The following TMEM74 variants were observed in gnomAD, a reference collection of about 807,000 sequenced individuals.
TMEM74 encodes the protein transmembrane protein 74.
A neutral mutation model predicts 18.1 loss-of-function variants in TMEM74; 13 were observed. The observed-to-expected ratio is 0.72, with a 90% CI of 0.47 to 1.14. TMEM74 has a LOEUF of 1.14. Ranked by LOEUF, TMEM74 falls within the 50% of genes most tolerant of loss-of-function variation. The pLI, the probability that TMEM74 is intolerant of heterozygous loss-of-function variation, is 0.00. For missense variants in TMEM74, 372 were observed against 375.9 expected (o/e 0.99, Z 0.09); for synonymous variants, 159 against 146.6 (o/e 1.08, Z -0.61).
intron 1 of TMEM74, among the ~76,000 whole-genome samples, chr8:108,763,707 C>G (rs1447736539): frequency 6.6e-6 from 1 of 152,114 alleles, no homozygotes; most frequent in Non-Finnish European, 1.5e-5. Flanking sequence ...AATTATTTTA[C>G]TGGTATTCTT....
intron 1 of TMEM74, among the ~76,000 whole-genome samples, chr8:108,728,256 C>T (rs963455992): frequency 6.6e-6 from 1 of 151,960 alleles, no homozygotes; most frequent in Non-Finnish European, 1.5e-5. Context: ...CAAGAATGAT[C>T]CGGAAGAGTG....
At chr8:108,715,027 A>T (rs944573902) in intron 1 of TMEM74, among the ~76,000 whole-genome samples, 1 of 152,182 alleles carries the variant, frequency 6.6e-6, no homozygotes, top group African/African-American at 2.4e-5. Flanking sequence ...ATATTTAAGC[A>T]TTCTATATTG....
intron 1 of TMEM74, among the ~76,000 whole-genome samples, chr8:108,726,115 C>T (rs1813635723): frequency 6.6e-6 from 1 of 152,114 alleles, no homozygotes; most frequent in South Asian, 2.1e-4. Flanking sequence ...ACTAGTGAGA[C>T]CCGGGGTAAA....
intron 1 of TMEM74, among the ~76,000 whole-genome samples, chr8:108,683,997 T>A (rs1813143234): frequency 6.6e-6 from 1 of 152,128 alleles, no homozygotes; most frequent in Non-Finnish European, 1.5e-5. Context: ...ATTTATCCAT[T>A]CACCTGTTGT....
At chr8:108,614,125 A>ATAAG (rs1346668284) in intron 2 of TMEM74, among the ~76,000 whole-genome samples, 1 of 152,000 alleles carries the variant, frequency 6.6e-6, no homozygotes, top group Non-Finnish European at 1.5e-5. Context: ...AAAAGATTAA[A>ATAAG]TAAGCTATTA....
intron 1 of TMEM74, among the ~76,000 whole-genome samples, chr8:108,706,416 T>C (rs1813396586): frequency 6.6e-6 from 1 of 152,172 alleles, no homozygotes; most frequent in Non-Finnish European, 1.5e-5. Flanking sequence ...GTATCTATAA[T>C]ACCTGGAATG....
intron 1 of TMEM74, among the ~76,000 whole-genome samples, chr8:108,718,944 T>C (rs988979333): frequency 8.0e-5 from 12 of 150,628 alleles, no homozygotes; most frequent in African/African-American, 2.7e-4. Flanking sequence ...CAAAGTTAGA[T>C]AGCTAGTTAA....
At chr8:108,612,206 T>G (rs1251759708) in intron 2 of TMEM74, among the ~76,000 whole-genome samples, 2 of 152,162 alleles carry the variant, frequency 1.3e-5, no homozygotes, top group Non-Finnish European at 2.9e-5. Flanking sequence ...ATTCTTGGAT[T>G]CTTTAATCTC....
chr8:108,657,891 T>TTAC, intron 1 of TMEM74, among the ~76,000 whole-genome samples: 1 of 111,034 alleles, frequency 9.0e-6, no homozygotes, highest in Non-Finnish European at 1.8e-5. Context: ...TATATATATA[T>TTAC]ATATATATAT....
rs780738491 is a variant in TMEM74 at position 108,784,427 on chromosome 8, C to T, written c.672G>A (p.Leu224=). Residue 224 remains leucine (L), a synonymous_variant, in exon 2 of 2, where the codon CTG becomes CTA. Transcript: ENST00000297459. Reference sequence around the variant, plus strand: ...TCACACAGCGGTCCAGGTGAGCCCCCAGCCTCGCACTCTCCTTCTCCAGGC... The same window carrying T: ...TCACACAGCGGTCCAGGTGAGCCCCTAGCCTCGCACTCTCCTTCTCCAGGC... The part of the protein sequence containing the change: ...MERLEKESAR[L]GAHLDRCVIA... The T allele has an allele frequency of 3.7e-6, 6 of 1,614,184 alleles. No individual in the cohort carries two copies. Among genetic ancestry groups the T allele is most frequent in the Non-Finnish European group, 3.4e-6 (4 of 1,180,024 alleles).
At position 108,657,881 on chromosome 8, in the gene TMEM74, T is replaced by TATTAATTAC. The variant is rs1375536704; in HGVS notation, n.120-2445_120-2444insGTAATTAAT. On this transcript the variant is annotated intron_variant and non_coding_transcript_variant, in intron 1 of 3. Transcript: ENST00000518838. ...AAAAATATATATATATATATATATA[T>TATTAATTAC]ATATATATATATATATATATATTAA... is the stretch of plus-strand genomic sequence containing the variant. 1.2e-3 allele frequency among the ~76,000 whole-genome samples: 115 copies of TATTAATTAC among 98,482 alleles called. 5 individuals carry two copies. The highest frequency in any genetic ancestry group is 8.7e-3 in the East Asian group (31 of 3,558). The allele number at this position is 98,482 out of a possible 152,430, so 64.6% of individuals were successfully genotyped here.
intron 1 of TMEM74, among the ~76,000 whole-genome samples, chr8:108,750,537 C>T (rs994584090): frequency 2.0e-5 from 3 of 151,940 alleles, no homozygotes; most frequent in Non-Finnish European, 2.9e-5. Context: ...AATTGGGAGT[C>T]GGCACCAGGG....
At chr8:108,776,928 G>A (rs1814240838), downstream of TMEM74, among the ~76,000 whole-genome samples, 1 of 152,086 alleles carries the variant, frequency 6.6e-6, no homozygotes, top group South Asian at 2.1e-4. Context: ...TTTTTCATCA[G>A]CCGATAATCA....
chr8:108,694,013 A>C (rs921559944), intron 1 of TMEM74, among the ~76,000 whole-genome samples: 1 of 152,214 alleles, frequency 6.6e-6, no homozygotes, highest in African/African-American at 2.4e-5. Flanking sequence ...ACCTTTAAAC[A>C]TTTTATTTGT....
At position 108,779,688 on chromosome 8, in the gene TMEM74, A is replaced by G. The variant is rs982542159; in HGVS notation, c.*4493T>C. ...CAATAGTAAGGCATGCCAAATTCCT[A>G]TAATAAAATTATTCTAACAATAACT... On this transcript the variant is annotated 3_prime_UTR_variant, in exon 2 of 2. Coordinates refer to ENST00000297459, the MANE Select transcript of TMEM74 (RefSeq NM_153015.3). 6.6e-6 allele frequency among the ~76,000 whole-genome samples: 1 copy of G among 152,202 alleles called. No homozygotes were observed. The highest frequency in any genetic ancestry group is 2.1e-4 in the South Asian group (1 of 4,826).
intron 2 of TMEM74, among the ~76,000 whole-genome samples, chr8:108,648,853 A>G (rs1408677393): frequency 6.6e-6 from 1 of 152,192 alleles, no homozygotes; most frequent in African/African-American, 2.4e-5. Context: ...AATACAAACT[A>G]TAACAAGCAG....
chr8:108,759,370 T>C (rs1394516026), intron 1 of TMEM74, among the ~76,000 whole-genome samples: 1 of 152,140 alleles, frequency 6.6e-6, no homozygotes, highest in Admixed American at 6.6e-5. Flanking sequence ...CATATACCTA[T>C]TATTCATCAA....
At chr8:108,746,731 G>GGA (rs1813851909) in intron 1 of TMEM74, among the ~76,000 whole-genome samples, 2 of 152,014 alleles carry the variant, frequency 1.3e-5, no homozygotes, top group South Asian at 4.1e-4. Flanking sequence ...ACTGGGGAGT[G>GGA]GAGAGGGTCT....
intron 1 of TMEM74, among the ~76,000 whole-genome samples, chr8:108,659,657 A>G (rs1263755275): frequency 1.3e-5 from 2 of 152,144 alleles, no homozygotes; most frequent in Non-Finnish European, 2.9e-5. Context: ...CTCTGGCTAA[A>G]TGTCTTTCAG....
Sources: allele counts gnomAD v4.1 joint callset (sites outside exome capture counted in the v4.1 genomes callset), GRCh38; gene constraint gnomAD v4.1.1; transcripts MANE v1.5; gene names NCBI Gene and HGNC (gene_info 2026-07-23, HGNC 2026-07-21).